OTUD7B: variants seen among roughly 807,000 people sequenced by gnomAD.
OTUD7B encodes OTU domain-containing protein 7B.
OTUD7B carries 34 observed loss-of-function variants against 82.2 expected under a neutral mutation model. The observed-to-expected ratio is 0.41, with a 90% CI of 0.31 to 0.55. OTUD7B has a LOEUF of 0.55. Ranked by LOEUF, OTUD7B falls within the 20% of genes least tolerant of loss-of-function variation. OTUD7B has a pLI of 0.20. For missense variants in OTUD7B, 944 were observed against 1,062.1 expected (o/e 0.89, Z 1.55); for synonymous variants, 398 against 402.7 (o/e 0.99, Z 0.14).
At chr1:150,025,973 CT>C in the OTUD7B span, among the ~76,000 whole-genome samples, 8 of 152,172 alleles carry the variant, frequency 5.3e-5, no homozygotes, top group African/African-American at 1.9e-4. Context: ...AGCTCTGGAG[CT>C]TGAATGGCCT....
chr1:150,017,094 TAATC>T, the OTUD7B span, among the ~76,000 whole-genome samples: 2 of 152,224 alleles, frequency 1.3e-5, no homozygotes, highest in Non-Finnish European at 2.9e-5. Context: ...GTGAACCGCT[TAATC>T]AATTAATGAA....
chr1:150,036,124 TG>T, the OTUD7B span, among the ~76,000 whole-genome samples: 1 of 151,970 alleles, frequency 6.6e-6, no homozygotes, highest in Admixed American at 6.6e-5. Context: ...GGTTAATTTT[TG>T]TATTTTTTTG....
the OTUD7B span, among the ~76,000 whole-genome samples, chr1:150,029,388 C>G: frequency 3.3e-5 from 5 of 152,248 alleles, no homozygotes; most frequent in Non-Finnish European, 5.9e-5. Flanking sequence ...ACAATTCTAT[C>G]TATATTTGAA....
the OTUD7B span, among the ~76,000 whole-genome samples, chr1:150,063,461 G>T: frequency 6.6e-6 from 1 of 152,094 alleles, no homozygotes; most frequent in South Asian, 2.1e-4. Context: ...GAAAAAAAAA[G>T]AAATGTTTCT....
At chr1:150,006,810 C>T (rs1220231078) in intron 1 of OTUD7B, among the ~76,000 whole-genome samples, 1 of 152,206 alleles carries the variant, frequency 6.6e-6, no homozygotes, top group African/African-American at 2.4e-5. Context: ...TGTGTAAACA[C>T]AAAAACTTCT....
At chr1:150,002,400 A>T (rs1029597301) in intron 1 of OTUD7B, among the ~76,000 whole-genome samples, 2 of 152,152 alleles carry the variant, frequency 1.3e-5, no homozygotes, top group Non-Finnish European at 2.9e-5. Flanking sequence ...CAGCTGAAAA[A>T]TCCTAACACC....
the OTUD7B span, among the ~76,000 whole-genome samples, chr1:150,022,396 CAAAAAA>C: frequency 0.26 from 1,557 of 6,046 alleles, 337 homozygotes; most frequent in African/African-American, 0.42. Flanking sequence ...AAACTCTCTA[CAAAAAA>C]AAAAAAAAAA....
At chr1:150,024,977 G>A in the OTUD7B span, among the ~76,000 whole-genome samples, 4 of 152,206 alleles carry the variant, frequency 2.6e-5, no homozygotes, top group African/African-American at 4.8e-5. Flanking sequence ...GAACCCAGGA[G>A]GCAGAGGTTG....
At chr1:149,976,409 C>T (rs1386194019) in intron 2 of OTUD7B, among the ~76,000 whole-genome samples, 4 of 151,458 alleles carry the variant, frequency 2.6e-5, no homozygotes, top group Admixed American at 6.6e-5. Flanking sequence ...GTCGGGAGTT[C>T]GAGACCAGCC....
At chr1:150,054,042 C>A in the OTUD7B span, 1 of 356,684 alleles carries the variant, frequency 2.8e-6, no homozygotes, top group South Asian at 3.8e-5. Context: ...TATTCTCCAT[C>A]TGCTATGTAT....
At chr1:149,974,117 T>C (rs1236069463) in intron 2 of OTUD7B, among the ~76,000 whole-genome samples, 1 of 152,108 alleles carries the variant, frequency 6.6e-6, no homozygotes, top group East Asian at 1.9e-4. Context: ...CAAGCTGAAG[T>C]GCAGTGGTGC....
chr1:149,959,761 C>T lies in OTUD7B; in HGVS notation c.768G>A (p.Lys256=). The T allele has an allele frequency of 3.1e-6, 5 of 1,613,990 alleles. No individual in the cohort carries two copies. Among genetic ancestry groups the T allele is most frequent in the Non-Finnish European group, 4.2e-6 (5 of 1,179,900 alleles). Residue 256 remains lysine (K), a synonymous_variant, in exon 7 of 12, where the codon AAG becomes AAA. Coordinates refer to ENST00000581312, the MANE Select transcript of OTUD7B (RefSeq NM_020205.4). ...CAAGCTTGATCAGTTCATTCCACTC[C>T]TTCTGCCATTCATCTTCTGTGTATA... ...GLVYTEDEWQ[K]EWNELIKLAS...
At chr1:150,059,662 C>T in the OTUD7B span, among the ~76,000 whole-genome samples, 2 of 152,066 alleles carry the variant, frequency 1.3e-5, no homozygotes, top group African/African-American at 2.4e-5. Context: ...GAGCCACCAT[C>T]ATATTCTTTC....
At position 149,975,674 on chromosome 1, in the gene OTUD7B, G is replaced by A. The variant is rs587713737; in HGVS notation, c.85+1752C>T. 2.0e-5 allele frequency among the ~76,000 whole-genome samples: 3 copies of A among 152,234 alleles called. No individual in the cohort carries two copies. In the South Asian group the frequency reaches 6.2e-4, roughly 32 times the overall value. Reference sequence around the variant, plus strand: ...AGTAACCTAACATGATCACCAAGAGGTGACAAGTCAGGCCTGGCTGCATAG... The same window carrying A: ...AGTAACCTAACATGATCACCAAGAGATGACAAGTCAGGCCTGGCTGCATAG... On this transcript the variant is annotated intron_variant, in intron 2 of 11. Coordinates refer to ENST00000581312, the MANE Select transcript of OTUD7B (RefSeq NM_020205.4).
the OTUD7B span, among the ~76,000 whole-genome samples, chr1:150,059,374 C>CT: frequency 0.99 from 117,293 of 117,890 alleles, 58,350 homozygotes; most frequent in African/African-American, 1. Context: ...CATATTCTTT[C>CT]TTTTTTTTTT....
chr1:150,049,396 G>C, the OTUD7B span, among the ~76,000 whole-genome samples: 1 of 152,074 alleles, frequency 6.6e-6, no homozygotes, highest in African/African-American at 2.4e-5. Context: ...TAGTCAGGAT[G>C]TTGCTATATA....
At chr1:149,988,921 T>C (rs587642775) in intron 1 of OTUD7B, among the ~76,000 whole-genome samples, 52 of 152,308 alleles carry the variant, frequency 3.4e-4, no homozygotes, top group African/African-American at 1.2e-3. Context: ...ACTAGGCTAA[T>C]AGCAAAACAC....
At chr1:150,000,640 C>G (rs1226806364) in intron 1 of OTUD7B, among the ~76,000 whole-genome samples, 1 of 152,032 alleles carries the variant, frequency 6.6e-6, no homozygotes, top group Non-Finnish European at 1.5e-5. Flanking sequence ...CATACATGAT[C>G]CTATTTATGT....
At chr1:149,979,548 T>C (rs1553779273) in intron 1 of OTUD7B, among the ~76,000 whole-genome samples, 1 of 152,234 alleles carries the variant, frequency 6.6e-6, no homozygotes, top group Non-Finnish European at 1.5e-5. Flanking sequence ...TCTTTGACTA[T>C]CATTCTAGAT....
Sources: allele counts gnomAD v4.1 joint callset (sites outside exome capture counted in the v4.1 genomes callset), GRCh38; gene constraint gnomAD v4.1.1; transcripts MANE v1.5; gene names NCBI Gene and HGNC (gene_info 2026-07-23, HGNC 2026-07-21).